Variants in CSMD1 observed in about 807,000 individuals in gnomAD.
The protein encoded by CSMD1 is CUB and sushi domain-containing protein 1.
A neutral mutation model predicts 417.5 loss-of-function variants in CSMD1; 213 were observed. The ratio of observed to expected loss-of-function variants is 0.51; its 90% CI spans 0.46 to 0.57. CSMD1 has a LOEUF of 0.57. Among genes scored for constraint, CSMD1 ranks in the 20% least tolerant of loss-of-function variants. CSMD1 has a pLI of 0.00. For missense variants in CSMD1, 6,923 were observed against 4,529.7 expected, an observed-to-expected ratio of 1.53 and a Z score of -15.17; for synonymous variants, 2,862 against 1,736.8, an observed-to-expected ratio of 1.65 and a Z score of -16.11.
chr8:4,231,046 G>A (rs1801693246), intron 3 of CSMD1, among the ~76,000 whole-genome samples: 1 of 152,074 alleles, frequency 6.6e-6, no homozygotes, highest in Non-Finnish European at 1.5e-5. Flanking sequence ...TTGCTACCGT[G>A]GGAAAATTGG....
At chr8:3,956,139 C>G (rs1201994382) in intron 5 of CSMD1, among the ~76,000 whole-genome samples, 1 of 151,942 alleles carries the variant, frequency 6.6e-6, no homozygotes, top group East Asian at 1.9e-4. Flanking sequence ...AGATCCTGGA[C>G]CAAAATCTAA....
At chr8:3,497,386 A>G (rs960295599) in intron 10 of CSMD1, among the ~76,000 whole-genome samples, 2 of 150,952 alleles carry the variant, frequency 1.3e-5, no homozygotes, top group African/African-American at 4.9e-5. Context: ...CTCATTTTAC[A>G]TTTGTTTCAC....
chr8:3,759,209 T>G (rs1797848867), intron 5 of CSMD1, among the ~76,000 whole-genome samples: 1 of 152,212 alleles, frequency 6.6e-6, no homozygotes, highest in African/African-American at 2.4e-5. Flanking sequence ...ACATTAAATA[T>G]GTATAGCTTT....
intron 1 of CSMD1, among the ~76,000 whole-genome samples, chr8:4,928,904 A>C (rs1313179006): frequency 1.3e-5 from 2 of 152,066 alleles, no homozygotes; most frequent in Non-Finnish European, 2.9e-5. Flanking sequence ...CCCCATCTCA[A>C]CTAAAAATAT....
chr8:3,008,930 G>C (rs1306974242), intron 52 of CSMD1, among the ~76,000 whole-genome samples: 1 of 152,178 alleles, frequency 6.6e-6, no homozygotes, highest in Non-Finnish European at 1.5e-5. Context: ...TGCAAGTACA[G>C]CAAGGTGAGA....
rs187576382 is a variant in CSMD1, at chr8:3,252,172, C to T, written c.4154-21941G>A. Among the ~76,000 whole-genome samples the T allele has an allele frequency of 4.3e-3, 658 of 152,256 alleles. 3 individuals carry two copies. The highest frequency in any genetic ancestry group is 0.015 in the African/African-American group (606 of 41,538). On this transcript the variant is annotated intron_variant, in intron 26 of 69. Coordinates refer to ENST00000635120, the MANE Select transcript of CSMD1 (RefSeq NM_033225.6). ...AAAGGGAATGCTTCCAGTTTTTGCC[C>T]ATTCAGTATGATATTGGCTGTGGGT...
At chr8:3,154,179 G>A (rs528192817) in intron 39 of CSMD1, among the ~76,000 whole-genome samples, 1 of 152,288 alleles carries the variant, frequency 6.6e-6, no homozygotes, top group South Asian at 2.1e-4. Context: ...CACCATGTTG[G>A]TCAGGCTGGT....
intron 3 of CSMD1, among the ~76,000 whole-genome samples, chr8:4,272,213 T>A (rs1804645731): frequency 1.3e-5 from 2 of 152,212 alleles, no homozygotes; most frequent in African/African-American, 2.4e-5. Flanking sequence ...TAGTACTTTA[T>A]GGCTTAGTAC....
intron 3 of CSMD1, among the ~76,000 whole-genome samples, chr8:4,275,147 G>C (rs1485447925): frequency 6.6e-6 from 1 of 152,088 alleles, no homozygotes; most frequent in East Asian, 1.9e-4. Context: ...TAAAAGAGTA[G>C]CTTTTACGGC....
At chr8:4,026,512 T>C (rs1460341666) in intron 4 of CSMD1, among the ~76,000 whole-genome samples, 2 of 152,142 alleles carry the variant, frequency 1.3e-5, no homozygotes, top group African/African-American at 4.8e-5. Context: ...CACTGGAGGA[T>C]ATGTAAGCAA....
At chr8:4,315,478 CAAGAT>C (rs1798869057) in intron 3 of CSMD1, among the ~76,000 whole-genome samples, 1 of 151,996 alleles carries the variant, frequency 6.6e-6, no homozygotes, top group Admixed American at 6.6e-5. Context: ...AGGCCTGACT[CAAGAT>C]AAAGGATAAA....
chr8:4,685,267 T>C (rs529242853), intron 1 of CSMD1, among the ~76,000 whole-genome samples: 7 of 152,274 alleles, frequency 4.6e-5, no homozygotes, highest in Admixed American at 2.6e-4. Flanking sequence ...ACTTACCACA[T>C]GCATCATATC....
chr8:3,652,495 T>A (rs976355849), intron 7 of CSMD1, among the ~76,000 whole-genome samples: 1 of 152,226 alleles, frequency 6.6e-6, no homozygotes, highest in African/African-American at 2.4e-5. Flanking sequence ...GGGTATTTTA[T>A]AAAGGAAGCG....
intron 10 of CSMD1, among the ~76,000 whole-genome samples, chr8:3,572,767 T>A (rs1415203387): frequency 6.6e-6 from 1 of 152,162 alleles, no homozygotes; most frequent in African/African-American, 2.4e-5. Context: ...TGAGCCCCTA[T>A]GGAAATGCAT....
chr8:3,097,774 T>C (rs182340807), intron 46 of CSMD1, among the ~76,000 whole-genome samples: 4 of 152,288 alleles, frequency 2.6e-5, no homozygotes, highest in Non-Finnish European at 5.9e-5. Flanking sequence ...TGGGGGGAAC[T>C]ACTGTACTTA....
At chr8:4,424,905 C>G (rs1401593298) in intron 2 of CSMD1, among the ~76,000 whole-genome samples, 1 of 151,920 alleles carries the variant, frequency 6.6e-6, no homozygotes, top group African/African-American at 2.4e-5. Flanking sequence ...AATGATCTCA[C>G]ATTAAATAAT....
intron 3 of CSMD1, among the ~76,000 whole-genome samples, chr8:4,072,806 T>C (rs1417531478): frequency 6.6e-6 from 1 of 152,160 alleles, no homozygotes; most frequent in Non-Finnish European, 1.5e-5. Context: ...ATGAAGCTCA[T>C]AGGTTTCAAG....
At chr8:4,186,883 C>G (rs1798710067) in intron 3 of CSMD1, among the ~76,000 whole-genome samples, 1 of 151,534 alleles carries the variant, frequency 6.6e-6, no homozygotes, top group Admixed American at 6.6e-5. Flanking sequence ...GTAGTCCCAG[C>G]TACTCGGGAG....
chr8:3,651,957 G>A (rs1210325645), intron 7 of CSMD1, among the ~76,000 whole-genome samples: 2 of 148,730 alleles, frequency 1.3e-5, no homozygotes, highest in Non-Finnish European at 1.5e-5. Flanking sequence ...CACCATCAGA[G>A]CGCCATCACC....
Sources: gnomAD v4.1 joint callset for allele counts (sites outside exome capture counted in the v4.1 genomes callset) on GRCh38, gnomAD v4.1.1 for gene constraint, MANE v1.5 for transcripts, NCBI Gene and HGNC (gene_info 2026-07-23, HGNC 2026-07-21) for gene names.